COLEC10: variants seen among roughly 807,000 people sequenced by gnomAD.
The protein encoded by COLEC10 is collectin-10.
COLEC10 carries 22 observed loss-of-function variants against 28.4 expected under a neutral mutation model. The observed-to-expected ratio is 0.78, with a 90% CI of 0.55 to 1.11. The LOEUF (loss-of-function observed/expected upper bound fraction) is 1.11, where lower values mean the gene tolerates loss of function less well. COLEC10 is among the 50% of genes least tolerant of loss of function. COLEC10 has a pLI of 0.00. For missense variants in COLEC10, 361 were observed against 344.1 expected (o/e 1.05, Z -0.39); for synonymous variants, 125 against 116.1 (o/e 1.08, Z -0.49).
chr8:119,077,243 ATTTTTTTTTTT>A (rs762180766), intron 1 of COLEC10, among the ~76,000 whole-genome samples: 1 of 90,292 alleles, frequency 1.1e-5, no homozygotes, highest in Non-Finnish European at 2.1e-5. Context: ...GTAGAGAATG[ATTTTTTTTTTT>A]TTTTTTTTTT....
At chr8:118,990,618 C>T (rs1813490042), upstream of COLEC10, among the ~76,000 whole-genome samples, 1 of 152,034 alleles carries the variant, frequency 6.6e-6, no homozygotes, top group African/African-American at 2.4e-5. Flanking sequence ...GTTCCTGGAA[C>T]ACAATTTTTC....
rs1043531028 is a variant in COLEC10 at position 119,053,350 on chromosome 8, C to A, written n.236-36330C>A. Among the ~76,000 whole-genome samples, 4 of 152,194 alleles carry A rather than the reference C, an allele frequency of 2.6e-5. No homozygotes were observed. In the South Asian group the frequency reaches 6.2e-4, roughly 24 times the overall value. On this transcript the variant is annotated intron_variant and non_coding_transcript_variant, in intron 2 of 6. Coordinates refer to the COLEC10 transcript ENST00000521788. ...CAGCAATCTTAGTAAGGGCAATACG[C>A]TAGCAAAGTTTGCAAGGCAGAAGCT...
intron 1 of COLEC10, among the ~76,000 whole-genome samples, chr8:119,004,518 C>A (rs949809491): frequency 6.6e-6 from 1 of 151,052 alleles, no homozygotes; most frequent in Non-Finnish European, 1.5e-5. Flanking sequence ...CCTTGAACTC[C>A]GCATTGATAT....
chr8:118,970,357 C>A, the COLEC10 span, among the ~76,000 whole-genome samples: 1 of 152,002 alleles, frequency 6.6e-6, no homozygotes, highest in Non-Finnish European at 1.5e-5. Flanking sequence ...ACTGTAGTTC[C>A]AGACACACTT....
At chr8:119,092,471 C>T (rs946732324) in intron 3 of COLEC10, among the ~76,000 whole-genome samples, 1 of 152,106 alleles carries the variant, frequency 6.6e-6, no homozygotes, top group Non-Finnish European at 1.5e-5. Context: ...CAGAAAGCCC[C>T]ACAATGGTAG....
chr8:119,053,684 G>C (rs972863835), intron 2 of COLEC10, among the ~76,000 whole-genome samples: 1 of 91,502 alleles, frequency 1.1e-5, no homozygotes, highest in Non-Finnish European at 2.0e-5. Flanking sequence ...TAAAAAAAAA[G>C]GTGGGGGGGG....
upstream of COLEC10, among the ~76,000 whole-genome samples, chr8:118,993,180 T>C (rs1425679456): frequency 1.3e-5 from 2 of 152,182 alleles, no homozygotes; most frequent in African/African-American, 4.8e-5. Flanking sequence ...ACAGATTGGG[T>C]GGCTTAAACA....
At chr8:119,002,165 T>G (rs1438834787) in intron 1 of COLEC10, among the ~76,000 whole-genome samples, 1 of 152,178 alleles carries the variant, frequency 6.6e-6, no homozygotes, top group Non-Finnish European at 1.5e-5. Context: ...GTATATAATT[T>G]TTAGTGTATA....
intron 1 of COLEC10, among the ~76,000 whole-genome samples, chr8:119,006,684 G>A (rs1460353191): frequency 6.6e-6 from 1 of 151,934 alleles, no homozygotes; most frequent in East Asian, 1.9e-4. Context: ...CCTCCATCCA[G>A]ATATTCCCTG....
intron 2 of COLEC10, among the ~76,000 whole-genome samples, chr8:119,051,787 T>C (rs982596358): frequency 1.3e-5 from 2 of 152,134 alleles, no homozygotes; most frequent in African/African-American, 4.8e-5. Context: ...GTTGAAGGAA[T>C]GTGGCAAGCG....
At chr8:118,964,753 A>G in the COLEC10 span, among the ~76,000 whole-genome samples, 1 of 152,198 alleles carries the variant, frequency 6.6e-6, no homozygotes, top group African/African-American at 2.4e-5. Context: ...AGGAGTGAAC[A>G]AAGTCAGCCC....
chr8:119,061,739 A>C lies in COLEC10; in HGVS notation n.236-27941A>C, dbSNP rs543734490. On this transcript the variant is annotated intron_variant and non_coding_transcript_variant, in intron 2 of 6. Transcript: ENST00000521788. ...CTAGAAGACATACTATATTAAAATG[A>C]AGGATGAAACCAAGAAAAAAAAAGA... Among the ~76,000 whole-genome samples the C allele has an allele frequency of 1.9e-4, 29 of 152,144 alleles. 2 individuals carry two copies. The South Asian group carries it at 5.8e-3, about 31-fold the overall frequency.
chr8:118,972,250 A>T, the COLEC10 span, among the ~76,000 whole-genome samples: 1 of 152,062 alleles, frequency 6.6e-6, no homozygotes, highest in Non-Finnish European at 1.5e-5. Flanking sequence ...CCAGGTCTCT[A>T]GAAGGAAGCA....
chr8:119,064,260 C>T (rs1367993348), upstream of COLEC10, among the ~76,000 whole-genome samples: 2 of 148,736 alleles, frequency 1.3e-5, no homozygotes, highest in Non-Finnish European at 2.9e-5. Flanking sequence ...GTATAGTACA[C>T]ATTATATAGG....
intron 1 of COLEC10, among the ~76,000 whole-genome samples, chr8:119,004,284 A>C (rs1813749457): frequency 6.6e-6 from 1 of 151,958 alleles, no homozygotes; most frequent in African/African-American, 2.4e-5. Context: ...AGGGGAAAAA[A>C]TAACCTAATA....
At chr8:119,100,860 T>A (rs1183402251) in intron 3 of COLEC10, among the ~76,000 whole-genome samples, 1 of 152,156 alleles carries the variant, frequency 6.6e-6, no homozygotes, top group Non-Finnish European at 1.5e-5. Flanking sequence ...GACCCCCACC[T>A]TCTGTTTGGG....
intron 1 of COLEC10, among the ~76,000 whole-genome samples, chr8:119,087,861 C>T (rs913309182): frequency 2.0e-5 from 3 of 152,134 alleles, no homozygotes; most frequent in Non-Finnish European, 4.4e-5. Flanking sequence ...AGGCAAGCAA[C>T]TTAACCACAT....
chr8:118,996,435 G>A (rs541623548), intron 1 of COLEC10, among the ~76,000 whole-genome samples: 9 of 152,134 alleles, frequency 5.9e-5, no homozygotes, highest in East Asian at 1.9e-4. Context: ...AGGAACGCTC[G>A]TTCTGCTTTT....
upstream of COLEC10, among the ~76,000 whole-genome samples, chr8:118,991,419 A>G (rs1012556837): frequency 6.6e-6 from 1 of 152,182 alleles, no homozygotes; most frequent in South Asian, 2.1e-4. Context: ...TATGAAAAAT[A>G]TCTATTAAAA....
Sources: gnomAD v4.1 joint callset for allele counts (sites outside exome capture counted in the v4.1 genomes callset) on GRCh38, gnomAD v4.1.1 for gene constraint, MANE v1.5 for transcripts, NCBI Gene and HGNC (gene_info 2026-07-23, HGNC 2026-07-21) for gene names.